The following CCSER1 variants were observed in gnomAD, a reference collection of about 807,000 sequenced individuals.
The protein encoded by CCSER1 is coiled-coil serine rich protein 1.
A neutral mutation model predicts 82.0 loss-of-function variants in CCSER1; 41 were observed. The ratio of observed to expected loss-of-function variants is 0.50; its 90% CI spans 0.39 to 0.65. CCSER1 has a LOEUF of 0.65. CCSER1 is among the 30% of genes least tolerant of loss of function. The pLI, the probability that CCSER1 is intolerant of heterozygous loss-of-function variation, is 0.00. For missense variants in CCSER1, 1,119 were observed against 1,064.2 expected, an observed-to-expected ratio of 1.05 and a Z score of -0.72; for synonymous variants, 414 against 383.9, an observed-to-expected ratio of 1.08 and a Z score of -0.92.
intron 7 of CCSER1, among the ~76,000 whole-genome samples, chr4:90,799,872 C>T (rs1375712967): frequency 1.3e-5 from 2 of 152,192 alleles, no homozygotes; most frequent in East Asian, 1.9e-4. Context: ...GGGGCTCCTC[C>T]TGCCAGTGAT....
intron 6 of CCSER1, among the ~76,000 whole-genome samples, chr4:90,710,515 A>G (rs1024773268): frequency 6.6e-6 from 1 of 152,118 alleles, no homozygotes; most frequent in Non-Finnish European, 1.5e-5. Context: ...TATATGGTGT[A>G]AGGAAGAGGT....
At chr4:91,052,823 G>A (rs1743123229) in intron 9 of CCSER1, among the ~76,000 whole-genome samples, 1 of 152,096 alleles carries the variant, frequency 6.6e-6, no homozygotes, top group Admixed American at 6.5e-5. Flanking sequence ...TATTTTGATA[G>A]GTAAGTCTTT....
chr4:90,450,814 G>A (rs1333066616), intron 4 of CCSER1, among the ~76,000 whole-genome samples: 2 of 152,170 alleles, frequency 1.3e-5, no homozygotes, highest in African/African-American at 2.4e-5. Flanking sequence ...TTATTCATGC[G>A]ATTGGGCCTC....
intron 9 of CCSER1, among the ~76,000 whole-genome samples, chr4:91,074,448 A>T (rs1294583166): frequency 6.6e-6 from 1 of 152,214 alleles, no homozygotes; most frequent in Non-Finnish European, 1.5e-5. Context: ...GCTGCGTTTT[A>T]TAAAGATTCT....
chr4:90,729,861 C>G (rs1744387411), intron 7 of CCSER1, among the ~76,000 whole-genome samples: 1 of 151,792 alleles, frequency 6.6e-6, no homozygotes, highest in Non-Finnish European at 1.5e-5. Context: ...GGGCTACAGA[C>G]CGAGACTCCA....
At chr4:91,039,809 A>G (rs1264899779) in intron 9 of CCSER1, among the ~76,000 whole-genome samples, 1 of 152,060 alleles carries the variant, frequency 6.6e-6, no homozygotes, top group South Asian at 2.1e-4. Flanking sequence ...TACACGTAAC[A>G]TATTTGAGCA....
chr4:90,422,433 A>G (rs752998875), intron 4 of CCSER1, among the ~76,000 whole-genome samples: 1 of 152,184 alleles, frequency 6.6e-6, no homozygotes, highest in Middle Eastern at 3.4e-3. Flanking sequence ...ATCTTTACAA[A>G]ACATAAAAGA....
intron 10 of CCSER1, among the ~76,000 whole-genome samples, chr4:91,260,985 G>C (rs1442232958): frequency 2.6e-5 from 4 of 151,946 alleles, no homozygotes; most frequent in Non-Finnish European, 4.4e-5. Flanking sequence ...TGATGGTCTC[G>C]ATCTCCTGAC....
At chr4:91,383,684 G>A (rs114383475) in intron 10 of CCSER1, among the ~76,000 whole-genome samples, 163 of 152,086 alleles carry the variant, frequency 1.1e-3, no homozygotes, top group African/African-American at 3.5e-3. Context: ...ATGTTGCTCC[G>A]TATAGAATAA....
Position 90,509,001 on chromosome 4 carries a change from T to C in CCSER1, c.1724+40647T>C, listed in dbSNP as rs940051123. Among the ~76,000 whole-genome samples the C allele has an allele frequency of 1.6e-4, 25 of 152,232 alleles. No individual in the cohort carries two copies. In the Middle Eastern group the frequency reaches 0.01, roughly 62 times the overall value. Reference sequence around the variant, plus strand: ...GGAAACTTTGAATTTTAAGATATTTTGTTAAGCTAATATGTGTGTGTAAAT... The same window carrying C: ...GGAAACTTTGAATTTTAAGATATTTCGTTAAGCTAATATGTGTGTGTAAAT... On this transcript the variant is annotated intron_variant, in intron 5 of 10. Transcript: ENST00000509176.
chr4:91,361,166 A>C (rs571855394), intron 10 of CCSER1, among the ~76,000 whole-genome samples: 2 of 151,896 alleles, frequency 1.3e-5, no homozygotes, highest in African/African-American at 4.8e-5. Context: ...TAGCTAAAGG[A>C]TGTGTTTTGT....
intron 9 of CCSER1, among the ~76,000 whole-genome samples, chr4:91,039,234 G>T (rs1296043345): frequency 6.6e-6 from 1 of 150,772 alleles, no homozygotes; most frequent in Non-Finnish European, 1.5e-5. Context: ...ATGGAGACAG[G>T]GTCTCACTAT....
At chr4:90,300,684 G>A (rs1023269373) in intron 1 of CCSER1, among the ~76,000 whole-genome samples, 16 of 152,040 alleles carry the variant, frequency 1.1e-4, no homozygotes, top group African/African-American at 3.6e-4. Flanking sequence ...AAAAGCGAAG[G>A]CAATTTTGCT....
chr4:90,741,858 G>T (rs1746610451), intron 7 of CCSER1, among the ~76,000 whole-genome samples: 1 of 152,114 alleles, frequency 6.6e-6, no homozygotes, highest in Non-Finnish European at 1.5e-5. Flanking sequence ...AGTTTATCTG[G>T]CAATAGTTCC....
At chr4:90,830,388 A>G (rs1012507267) in intron 8 of CCSER1, among the ~76,000 whole-genome samples, 17 of 152,146 alleles carry the variant, frequency 1.1e-4, no homozygotes, top group Admixed American at 5.9e-4. Flanking sequence ...AAATTTTACT[A>G]TGTTTGCTAT....
chr4:91,540,921 A>G (rs1196541275), intron 10 of CCSER1, among the ~76,000 whole-genome samples: 1 of 152,128 alleles, frequency 6.6e-6, no homozygotes, highest in East Asian at 1.9e-4. Flanking sequence ...TCTTTCCCCA[A>G]TACCACACTG....
intron 10 of CCSER1, among the ~76,000 whole-genome samples, chr4:91,355,171 C>A (rs1748739098): frequency 6.6e-6 from 1 of 151,404 alleles, no homozygotes; most frequent in Non-Finnish European, 1.5e-5. Context: ...ATTGACACAT[C>A]TCACATAAAT....
chr4:91,163,798 A>T (rs758975998), intron 10 of CCSER1, among the ~76,000 whole-genome samples: 7 of 151,966 alleles, frequency 4.6e-5, no homozygotes, highest in Middle Eastern at 3.4e-3. Flanking sequence ...ATCTTCCTCT[A>T]TCCCTTTATT....
At chr4:91,515,332 A>G (rs898236346) in intron 10 of CCSER1, among the ~76,000 whole-genome samples, 2 of 151,858 alleles carry the variant, frequency 1.3e-5, no homozygotes, top group Non-Finnish European at 2.9e-5. Flanking sequence ...CCTTGTAGGT[A>G]TTTTTTCTGA....
Sources: gnomAD v4.1 joint callset for allele counts (sites outside exome capture counted in the v4.1 genomes callset) on GRCh38, gnomAD v4.1.1 for gene constraint, MANE v1.5 for transcripts, NCBI Gene and HGNC (gene_info 2026-07-23, HGNC 2026-07-21) for gene names.